STARD13: variants seen among roughly 807,000 people sequenced by gnomAD.
The protein encoded by STARD13 is StAR related lipid transfer domain containing 13, also known as stAR-related lipid transfer protein 13.
STARD13 carries 62 observed loss-of-function variants against 106.4 expected under a neutral mutation model. That is an observed-to-expected ratio of 0.58 (90% confidence interval 0.48 to 0.72). The LOEUF (loss-of-function observed/expected upper bound fraction) is 0.72. STARD13 is among the 30% of genes least tolerant of loss of function. STARD13 has a pLI of 0.00. For synonymous variants in STARD13, 565 were observed against 553.0 expected, an observed-to-expected ratio of 1.02 and a Z score of -0.31; for missense variants, 1,387 against 1,424.0, an observed-to-expected ratio of 0.97 and a Z score of 0.42.
intron 3 of STARD13, among the ~76,000 whole-genome samples, chr13:33,148,943 G>C (rs1218690974): frequency 6.6e-6 from 1 of 152,210 alleles, no homozygotes; most frequent in Non-Finnish European, 1.5e-5. Context: ...GTTACTAAGT[G>C]AAAGAAGCCA....
chr13:33,593,672 G>C, the STARD13 span, among the ~76,000 whole-genome samples: 2 of 152,040 alleles, frequency 1.3e-5, no homozygotes, highest in East Asian at 1.9e-4. Flanking sequence ...CCTTTGACCG[G>C]GGTATTAAAT....
intron 7 of STARD13, among the ~76,000 whole-genome samples, chr13:33,119,212 A>G (rs1875875451): frequency 6.6e-6 from 1 of 152,164 alleles, no homozygotes; most frequent in Admixed American, 6.5e-5. Context: ...TTTCCTGGGC[A>G]CCCTGGCTTA....
At chr13:33,120,629 A>G (rs1831156886) in intron 7 of STARD13, among the ~76,000 whole-genome samples, 1 of 152,214 alleles carries the variant, frequency 6.6e-6, no homozygotes, top group Non-Finnish European at 1.5e-5. Context: ...ATTTTCTTTC[A>G]TAAACCTAAT....
rs777363310 is a variant in STARD13, at chr13:33,106,744, G to T, written c.3224+14C>A. On this transcript the variant is annotated intron_variant, in intron 13 of 13. Transcript: ENST00000336934. ...CCAAGATCTGAGCCTGCCATTAAGG[G>T]AGTCAGCACTTACTTCAGGTCTATC... 2 of 1,590,554 alleles carry T rather than the reference G, an allele frequency of 1.3e-6. No homozygotes were observed. The highest frequency in any genetic ancestry group is 1.7e-6 in the Non-Finnish European group (2 of 1,164,892).
At chr13:33,593,971 A>T in the STARD13 span, among the ~76,000 whole-genome samples, 4 of 151,990 alleles carry the variant, frequency 2.6e-5, no homozygotes, top group Admixed American at 2.0e-4. Flanking sequence ...CAGTGACGCG[A>T]TCTCGACTCA....
the STARD13 span, among the ~76,000 whole-genome samples, chr13:33,488,247 C>T: frequency 0.52 from 79,569 of 151,972 alleles, 21,782 homozygotes; most frequent in African/African-American, 0.7. Context: ...AGCACGATTC[C>T]GGAGCTGCAT....
chr13:33,289,699 A>G (rs1465064360), upstream of STARD13, among the ~76,000 whole-genome samples: 1 of 152,150 alleles, frequency 6.6e-6, no homozygotes, highest in East Asian at 1.9e-4. Context: ...GCCTACATGG[A>G]AATATGGGTA....
chr13:33,673,351 C>A, the STARD13 span, among the ~76,000 whole-genome samples: 1 of 152,064 alleles, frequency 6.6e-6, no homozygotes, highest in Non-Finnish European at 1.5e-5. Context: ...CATTTGTGGC[C>A]ATCTGAGAGG....
At chr13:33,125,012 A>G (rs1456514468) in intron 7 of STARD13, among the ~76,000 whole-genome samples, 2 of 152,242 alleles carry the variant, frequency 1.3e-5, no homozygotes, top group Non-Finnish European at 2.9e-5. Context: ...ACAAAGGGGA[A>G]CACACATTCA....
chr13:33,530,600 TTC>T, the STARD13 span, among the ~76,000 whole-genome samples: 6 of 152,354 alleles, frequency 3.9e-5, no homozygotes, highest in Non-Finnish European at 7.4e-5. Flanking sequence ...TGTTCTTGTC[TTC>T]TGTTTTTCTG....
chr13:33,165,541 G>T, intron 2 of STARD13, 123 bp from the exon 3 acceptor site: 2 of 732,008 alleles, frequency 2.7e-6, no homozygotes, highest in East Asian at 2.7e-5. Flanking sequence ...CATCATCATT[G>T]TTGGGAATGT....
rs943004867 is a variant in STARD13 at position 33,158,996 on chromosome 13, T to C, written c.323+6341A>G. Among the ~76,000 whole-genome samples, 4 of 152,220 alleles carry C rather than the reference T, an allele frequency of 2.6e-5. No individual in the cohort carries two copies. In the East Asian group the frequency reaches 5.8e-4, roughly 22 times the overall value. On this transcript the variant is annotated intron_variant, in intron 3 of 13. Coordinates refer to ENST00000336934, the MANE Select transcript of STARD13 (RefSeq NM_178006.4). ...CTCAGTTCGCACACCTCCAGCCAAA[T>C]GTTTTTCTTGCTTCGTAATATTTTT... is the stretch of plus-strand genomic sequence containing the variant.
At chr13:33,529,579 C>T in the STARD13 span, among the ~76,000 whole-genome samples, 2 of 152,026 alleles carry the variant, frequency 1.3e-5, no homozygotes, top group Non-Finnish European at 2.9e-5. Context: ...ACATATTTTC[C>T]TCAAGACCTC....
At chr13:33,459,097 G>A in the STARD13 span, among the ~76,000 whole-genome samples, 1 of 151,958 alleles carries the variant, frequency 6.6e-6, no homozygotes, top group Non-Finnish European at 1.5e-5. Context: ...GCCTATTGAG[G>A]TACAAATGAT....
chr13:33,648,555 T>C, the STARD13 span, among the ~76,000 whole-genome samples: 2 of 152,214 alleles, frequency 1.3e-5, no homozygotes, highest in Admixed American at 1.3e-4. Context: ...TAGTAGTTTC[T>C]AAGTCAACAT....
chr13:33,199,289 G>A (rs1886850227), intron 1 of STARD13, among the ~76,000 whole-genome samples: 1 of 152,164 alleles, frequency 6.6e-6, no homozygotes, highest in Admixed American at 6.5e-5. Context: ...TCCCCAAGAC[G>A]TGACTGTAAT....
At chr13:33,600,482 C>G in the STARD13 span, among the ~76,000 whole-genome samples, 1 of 152,164 alleles carries the variant, frequency 6.6e-6, no homozygotes, top group Non-Finnish European at 1.5e-5. Context: ...ACATGCATAT[C>G]TGTCTGTTTT....
chr13:33,482,611 T>A, the STARD13 span, among the ~76,000 whole-genome samples: 1 of 152,324 alleles, frequency 6.6e-6, no homozygotes, highest in South Asian at 2.1e-4. Context: ...TAATACATAA[T>A]TGATTAGAAT....
intron 3 of STARD13, among the ~76,000 whole-genome samples, chr13:33,164,715 C>T (rs1883120965): frequency 1.3e-5 from 2 of 152,170 alleles, no homozygotes; most frequent in South Asian, 2.1e-4. Context: ...AACTGAGTTT[C>T]TTCAACAAGA....
Sources: allele counts gnomAD v4.1 joint callset (sites outside exome capture counted in the v4.1 genomes callset), GRCh38; gene constraint gnomAD v4.1.1; transcripts MANE v1.5; gene names NCBI Gene and HGNC (gene_info 2026-07-23, HGNC 2026-07-21).